The following SPATA4 variants were observed in gnomAD, a reference collection of about 807,000 sequenced individuals.
SPATA4 encodes spermatogenesis associated 4.
A neutral mutation model predicts 31.8 loss-of-function variants in SPATA4; 35 were observed. The ratio of observed to expected loss-of-function variants is 1.10; its 90% CI spans 0.84 to 1.46. The LOEUF is 1.46. Among genes scored for constraint, SPATA4 ranks in the 40% most tolerant of loss-of-function variants. The probability of loss-of-function intolerance (pLI) is 0.00; values close to 1 mark genes in which losing one functional copy is unlikely to be tolerated. For missense variants in SPATA4, 394 were observed against 363.1 expected (o/e 1.09, Z -0.69); for synonymous variants, 126 against 132.4 (o/e 0.95, Z 0.33).
chr4:176,193,600 G>A lies in SPATA4; in HGVS notation c.219-18C>T. 2 of 1,587,166 alleles carry A rather than the reference G, an allele frequency of 1.3e-6. No homozygotes were observed. The highest frequency in any genetic ancestry group is 8.5e-7 in the Non-Finnish European group (1 of 1,170,658). On this transcript the variant is annotated intron_variant, in intron 1 of 5. Transcript: ENST00000280191. The stretch of plus-strand genomic sequence containing the variant: ...AAAAATCTCTGATCCGTGGCAATTA[G>A]GAAATGAAATAAAGTGTAGTTAATT...
At chr4:176,186,160 T>TC (rs1752437816) in intron 5 of SPATA4, among the ~76,000 whole-genome samples, 1 of 152,236 alleles carries the variant, frequency 6.6e-6, no homozygotes, top group African/African-American at 2.4e-5. Context: ...TCTTTAGCAA[T>TC]TCAAATATCA....
intron 4 of SPATA4, among the ~76,000 whole-genome samples, chr4:176,189,426 A>C (rs943911050): frequency 6.6e-6 from 1 of 151,848 alleles, no homozygotes; most frequent in African/African-American, 2.4e-5. Context: ...AGAAGAAAAG[A>C]TAGGTAAGAT....
Position 176,184,709 on chromosome 4 carries a change from G to A in SPATA4, c.*71C>T. On this transcript the variant is annotated 3_prime_UTR_variant, in exon 6 of 6. Coordinates refer to ENST00000280191, the MANE Select transcript of SPATA4 (RefSeq NM_144644.4). ...TATTATTGAAATACATCCAATACTAGGTGATTCTGTTTCTTTATTATGGCT... is the reference window on the plus strand; with the variant it reads ...TATTATTGAAATACATCCAATACTAAGTGATTCTGTTTCTTTATTATGGCT... 1 of 801,894 alleles carries A rather than the reference G, an allele frequency of 1.2e-6. No homozygotes were observed. Among genetic ancestry groups the A allele is most frequent in the Non-Finnish European group, 2.0e-6 (1 of 509,200 alleles). The allele number at this position is 801,894 out of a possible 1,614,324, so 49.7% of individuals were successfully genotyped here. A position where few individuals can be genotyped will look rare whatever the true frequency, so the allele number is the denominator to read the frequency against.
chr4:176,187,404 G>A (rs9996324), intron 5 of SPATA4, among the ~76,000 whole-genome samples: 142,638 of 152,034 alleles, frequency 0.94, 67,037 homozygotes, highest in East Asian at 1. Context: ...CAGGAGTTCA[G>A]GACCAGCCTG....
At position 176,193,584 on chromosome 4, in the gene SPATA4, T is replaced by C. The variant is rs1477255458; in HGVS notation, c.219-2A>G. ...ATTAGGAAGCCATTTGAAAAATCTC[T>C]GATCCGTGGCAATTAGGAAATGAAA... On this transcript the variant is annotated splice_acceptor_variant, in intron 1 of 5. Coordinates refer to ENST00000280191, the MANE Select transcript of SPATA4 (RefSeq NM_144644.4). LOFTEE classifies it high-confidence loss of function. 1 of 1,602,574 alleles carries C rather than the reference T, an allele frequency of 6.2e-7. No individual in the cohort carries two copies. The highest frequency in any genetic ancestry group is 1.3e-5 in the African/African-American group (1 of 74,506).
At chr4:176,186,661 T>G (rs1372495566) in intron 5 of SPATA4, among the ~76,000 whole-genome samples, 1 of 152,180 alleles carries the variant, frequency 6.6e-6, no homozygotes, top group African/African-American at 2.4e-5. Flanking sequence ...TGTTTGGACA[T>G]TAAAAAGTGT....
At chr4:176,193,392 G>C in intron 2 of SPATA4, 61 bp downstream of exon 2, 2 of 1,573,556 alleles carry the variant, frequency 1.3e-6, no homozygotes, top group Non-Finnish European at 1.7e-6. Context: ...CAGGAAATTA[G>C]CATGGCACAC....
intron 5 of SPATA4, among the ~76,000 whole-genome samples, chr4:176,185,651 CTT>C (rs992919112): frequency 6.6e-6 from 1 of 152,148 alleles, no homozygotes; most frequent in African/African-American, 2.4e-5. Flanking sequence ...ACTCTACTCT[CTT>C]ATCAGAAACT....
chr4:176,184,941 TATTC>T (rs1752417657), intron 5 of SPATA4, 49 bp from the exon 6 acceptor site: 4 of 1,138,708 alleles, frequency 3.5e-6, no homozygotes, highest in Non-Finnish European at 5.2e-6. Context: ...GGTTACTAAA[TATTC>T]ATACAAGCAT....
intron 5 of SPATA4, among the ~76,000 whole-genome samples, chr4:176,186,788 C>T (rs1386135168): frequency 6.6e-6 from 1 of 151,940 alleles, no homozygotes; most frequent in Non-Finnish European, 1.5e-5. Context: ...TTAATATTTA[C>T]AATGCATATT....
At chr4:176,185,831 T>A (rs1017509473) in intron 5 of SPATA4, among the ~76,000 whole-genome samples, 1 of 152,172 alleles carries the variant, frequency 6.6e-6, no homozygotes, top group South Asian at 2.1e-4. Context: ...GTAAAAAAAA[T>A]AAATGTATGT....
At chr4:176,189,335 G>T (rs1050136804) in intron 4 of SPATA4, among the ~76,000 whole-genome samples, 6 of 151,606 alleles carry the variant, frequency 4.0e-5, no homozygotes, top group Non-Finnish European at 5.9e-5. Context: ...AAAATGTATA[G>T]ATTAGCACTA....
Position 176,193,440 on chromosome 4 carries a change from A to G in SPATA4, c.348+13T>C, listed in dbSNP as rs1426398086. ...ATCTTAACAGTTAAAAGTGTAAATG[A>G]CTGCTAACGTACCTTCTCCAACTGT... On this transcript the variant is annotated intron_variant, in intron 2 of 5. Coordinates refer to ENST00000280191, the MANE Select transcript of SPATA4 (RefSeq NM_144644.4). The G allele has an allele frequency of 4.4e-6, 7 of 1,606,284 alleles. No homozygotes were observed. In the East Asian group the frequency reaches 1.6e-4, roughly 36 times the overall value.
chr4:176,184,629 T>C lies in SPATA4; in HGVS notation c.*151A>G, dbSNP rs1579292978. The C allele has an allele frequency of 7.0e-6, 3 of 429,464 alleles. No homozygotes were observed. The highest frequency in any genetic ancestry group is 7.1e-5 in the East Asian group (2 of 28,068). 26.6% of individuals were successfully genotyped at this position (429,464 alleles called of 1,614,324 possible). A position where few individuals can be genotyped will look rare whatever the true frequency, so the allele number is the denominator to read the frequency against. On this transcript the variant is annotated 3_prime_UTR_variant, in exon 6 of 6. Transcript: ENST00000280191. ...CTGGCATAGGAGTTTAATAAACAAA[T>C]TGAATGGAAAAGAAATGTTCTTTAA...
At chr4:176,188,978 C>A (rs991940215) in intron 4 of SPATA4, among the ~76,000 whole-genome samples, 2 of 152,018 alleles carry the variant, frequency 1.3e-5, no homozygotes, top group Non-Finnish European at 2.9e-5. Flanking sequence ...ACTTTGGCCA[C>A]AAATGAGAAA....
chr4:176,188,037 A>C, intron 5 of SPATA4, 82 bp downstream of exon 5: 1 of 997,546 alleles, frequency 1.0e-6, no homozygotes, highest in Non-Finnish European at 1.6e-6. Context: ...CATTTTAACT[A>C]TTTAACCGTT....
At position 176,188,250 on chromosome 4, in the gene SPATA4, C is replaced by A. The variant is rs1752476825; in HGVS notation, c.689-15G>T. ...ATCAAACCATTCTATAAAATATGAA[C>A]ACAAAAGTTATTTCTTAAAAAGCCA... On this transcript the variant is annotated splice_polypyrimidine_tract_variant and intron_variant, in intron 4 of 5. Coordinates refer to ENST00000280191, the MANE Select transcript of SPATA4 (RefSeq NM_144644.4). 6.6e-7 allele frequency: 1 copy of A among 1,526,196 alleles called. No individual in the cohort carries two copies. Among genetic ancestry groups the A allele is most frequent in the Non-Finnish European group, 8.9e-7 (1 of 1,123,172 alleles). The allele number at this position is 1,526,196 out of a possible 1,614,324, so 94.5% of individuals were successfully genotyped here.
At chr4:176,189,221 GT>G (rs2126922544) in intron 4 of SPATA4, among the ~76,000 whole-genome samples, 1 of 152,324 alleles carries the variant, frequency 6.6e-6, no homozygotes, top group East Asian at 1.9e-4. Flanking sequence ...CTGAAAGGAG[GT>G]GAAGGGGTGG....
intron 1 of SPATA4, chr4:176,194,696 C>A (rs1752585502): frequency 6.7e-6 from 1 of 148,722 alleles, no homozygotes; most frequent in African/African-American, 2.5e-5. Flanking sequence ...CCATCTCCGA[C>A]AAAGGGTAAA....
Sources: gnomAD v4.1 joint callset for allele counts (sites outside exome capture counted in the v4.1 genomes callset) on GRCh38, gnomAD v4.1.1 for gene constraint, MANE v1.5 for transcripts, NCBI Gene and HGNC (gene_info 2026-07-23, HGNC 2026-07-21) for gene names.